The following DGKG variants were observed in gnomAD, a reference collection of about 807,000 sequenced individuals.
DGKG encodes the protein diacylglycerol kinase gamma.
Under a neutral mutation model 105.3 loss-of-function variants are expected in DGKG, and 78 were observed. The observed-to-expected ratio is 0.74, with a 90% CI of 0.62 to 0.89. DGKG has a LOEUF of 0.89. DGKG is among the 40% of genes least tolerant of loss of function. The pLI is 0.00. For missense variants in DGKG, 958 were observed against 1,020.1 expected, an observed-to-expected ratio of 0.94 and a Z score of 0.83; for synonymous variants, 346 against 367.1, an observed-to-expected ratio of 0.94 and a Z score of 0.66.
intron 23 of DGKG, among the ~76,000 whole-genome samples, chr3:186,163,705 G>A (rs1215496576): frequency 2.0e-5 from 3 of 152,024 alleles, no homozygotes; most frequent in Admixed American, 6.6e-5. Flanking sequence ...TGGAAATAGA[G>A]CTACTGAATG....
chr3:186,234,763 C>T (rs1164489310), intron 20 of DGKG, among the ~76,000 whole-genome samples: 1 of 152,064 alleles, frequency 6.6e-6, no homozygotes, highest in Admixed American at 6.6e-5. Flanking sequence ...GCTGTCTGTT[C>T]CCACGCGGAC....
intron 2 of DGKG, among the ~76,000 whole-genome samples, chr3:186,318,603 G>T (rs557990164): frequency 3.3e-5 from 5 of 152,264 alleles, no homozygotes; most frequent in South Asian, 4.1e-4. Flanking sequence ...GGCCAATAAG[G>T]TTGTGCGCCT....
intron 3 of DGKG, among the ~76,000 whole-genome samples, chr3:186,300,735 AC>A (rs1723880830): frequency 6.6e-6 from 1 of 152,264 alleles, no homozygotes; most frequent in Admixed American, 6.5e-5. Context: ...AGCAGACTGT[AC>A]TAAATGATCT....
At chr3:186,204,301 G>A (rs1003121830) in intron 21 of DGKG, among the ~76,000 whole-genome samples, 1 of 152,158 alleles carries the variant, frequency 6.6e-6, no homozygotes, top group Non-Finnish European at 1.5e-5. Flanking sequence ...AGCTACTTGG[G>A]AGGCTGAAGT....
rs78501975 is a variant in DGKG, at chr3:186,210,565, T to A, written c.1917+1230A>T. 14,687 of 452,960 alleles carry A rather than the reference T, an allele frequency of 0.032. 385 individuals are homozygous for A. Among genetic ancestry groups the A allele is most frequent in the East Asian group, 0.12 (1,721 of 14,192 alleles). 28.1% of individuals were successfully genotyped at this position (452,960 alleles called of 1,614,324 possible). The stretch of plus-strand genomic sequence containing the variant: ...CGAAGAGGAGAGGCAGGCAGATGAG[T>A]CAAATGCAGCCGCACAGAACCTCTG... On this transcript the variant is annotated intron_variant, in intron 21 of 24. Coordinates refer to ENST00000265022, the MANE Select transcript of DGKG (RefSeq NM_001346.3). This position sits in a 1 kb window ranked among gnomAD's most constrained non-coding sequence, Gnocchi z 5.2.
intron 1 of DGKG, among the ~76,000 whole-genome samples, chr3:186,355,334 T>C (rs1726883252): frequency 1.2e-4 from 6 of 49,768 alleles, no homozygotes; most frequent in African/African-American, 4.1e-4. Flanking sequence ...ATCACCACTA[T>C]CACCACCACC....
intron 13 of DGKG, among the ~76,000 whole-genome samples, chr3:186,265,826 C>G (rs1405893337): frequency 6.6e-6 from 1 of 151,886 alleles, no homozygotes; most frequent in Non-Finnish European, 1.5e-5. Flanking sequence ...CCACGCCCAG[C>G]TAATTGCTAA....
At chr3:186,251,732 C>G in intron 19 of DGKG, 27 bp downstream of exon 19, 2 of 1,613,710 alleles carry the variant, frequency 1.2e-6, no homozygotes, top group Non-Finnish European at 1.7e-6. Flanking sequence ...CCCTTCCATA[C>G]AGAAAGGTGA....
intron 5 of DGKG, among the ~76,000 whole-genome samples, chr3:186,295,611 G>C (rs1383663330): frequency 2.7e-5 from 3 of 109,796 alleles, no homozygotes; most frequent in African/African-American, 3.6e-5. Flanking sequence ...TATCCATAAA[G>C]CTTTTCAATA....
At chr3:186,317,303 A>C (rs1344231256) in intron 2 of DGKG, among the ~76,000 whole-genome samples, 1 of 151,886 alleles carries the variant, frequency 6.6e-6, no homozygotes, top group African/African-American at 2.4e-5. Context: ...TTCTTTCCTA[A>C]CATTCCTACT....
chr3:186,297,192 C>T (rs1376707350), intron 5 of DGKG, among the ~76,000 whole-genome samples: 1 of 152,272 alleles, frequency 6.6e-6, no homozygotes, highest in African/African-American at 2.4e-5. Flanking sequence ...TCCTGACCTG[C>T]TCTGTTCTAG....
rs1723182894 is a variant in DGKG, at chr3:186,288,761, CA to C, written c.492del (p.Val165CysfsTer57). The C allele has an allele frequency of 6.2e-7, 1 of 1,614,202 alleles. No individual in the cohort carries two copies. Among genetic ancestry groups the C allele is most frequent in the Non-Finnish European group, 8.5e-7 (1 of 1,180,020 alleles). On this transcript the variant is annotated frameshift_variant, in exon 6 of 25. Transcript: ENST00000265022. LOFTEE classifies it high-confidence loss of function. The part of the protein sequence containing the change: ...SESPVVYLKD[V>X]VCYLSLLETG... ...GTCTCCAGCAGGGACAGGTAGCACA[CA>C]ACATCCTTCAGGTATACCACTGGGG... is the stretch of plus-strand genomic sequence containing the variant.
rs113843794 is a variant in DGKG, at chr3:186,210,896, G to A, written c.1917+899C>T. On this transcript the variant is annotated intron_variant, in intron 21 of 24. Coordinates refer to ENST00000265022, the MANE Select transcript of DGKG (RefSeq NM_001346.3). The surrounding 1 kb of genome is among the most constrained non-coding windows in gnomAD (Gnocchi z 5.2). ...ACTCTGGGCAAGAGAACCAATGGGC[G>A]TAAAGTCCCACGGAGCAGGTGTGCA... Among the ~76,000 whole-genome samples the A allele has an allele frequency of 3.3e-5, 5 of 152,348 alleles. No homozygotes were observed. Among genetic ancestry groups the A allele is most frequent in the Non-Finnish European group, 7.3e-5 (5 of 68,032 alleles).
chr3:186,171,605 T>C (rs993199267), intron 22 of DGKG, among the ~76,000 whole-genome samples: 10 of 152,078 alleles, frequency 6.6e-5, no homozygotes, highest in African/African-American at 2.4e-4. Context: ...CAAGAAAAAA[T>C]GTCTACATGT....
intron 5 of DGKG, among the ~76,000 whole-genome samples, chr3:186,292,717 G>A (rs978813759): frequency 6.6e-6 from 1 of 151,912 alleles, no homozygotes; most frequent in South Asian, 2.1e-4. Flanking sequence ...TCACTTGAAC[G>A]CGGGAGGCAG....
intron 2 of DGKG, among the ~76,000 whole-genome samples, chr3:186,311,445 T>C (rs1724538094): frequency 1.3e-5 from 2 of 152,186 alleles, no homozygotes; most frequent in Non-Finnish European, 2.9e-5. Flanking sequence ...GGTAGGAGCA[T>C]GTTTTGCATT....
intron 19 of DGKG, among the ~76,000 whole-genome samples, chr3:186,249,511 T>G (rs1721105153): frequency 6.6e-6 from 1 of 152,178 alleles, no homozygotes. Flanking sequence ...TAGTCCTTTC[T>G]TCTCCCATGG....
chr3:186,218,656 A>C (rs1164127681), intron 20 of DGKG, among the ~76,000 whole-genome samples: 2 of 152,130 alleles, frequency 1.3e-5, no homozygotes, highest in African/African-American at 4.8e-5. Flanking sequence ...GTGTGGGCCC[A>C]AGTATTGTCA....
At chr3:186,285,814 G>T (rs1178637259) in intron 6 of DGKG, among the ~76,000 whole-genome samples, 1 of 151,752 alleles carries the variant, frequency 6.6e-6, no homozygotes, top group Admixed American at 6.6e-5. Context: ...TGAGTCGCTG[G>T]GATTACAGGC....
Sources: allele counts gnomAD v4.1 joint callset (sites outside exome capture counted in the v4.1 genomes callset), GRCh38; gene constraint gnomAD v4.1.1; non-coding constraint Gnocchi (gnomAD v3.1); transcripts MANE v1.5; gene names NCBI Gene and HGNC (gene_info 2026-07-23, HGNC 2026-07-21).